Variants in MTMR3 observed in about 807,000 individuals in gnomAD.
MTMR3 encodes myotubularin related protein 3.
In MTMR3, 32 loss-of-function variants were observed where a neutral mutation model predicts 132.4. The observed-to-expected ratio is 0.24, with a 90% CI of 0.18 to 0.32. MTMR3 has a LOEUF of 0.32. Among genes scored for constraint, MTMR3 ranks in the 10% least tolerant of loss-of-function variants. The pLI is 1.00. For synonymous variants in MTMR3, 556 were observed against 550.3 expected (o/e 1.01, Z -0.14); for missense variants, 1,216 against 1,489.6 (o/e 0.82, Z 3.02).
intron 1 of MTMR3, among the ~76,000 whole-genome samples, chr22:29,940,995 C>G (rs1255028365): frequency 1.1e-4 from 16 of 150,052 alleles, no homozygotes; most frequent in Non-Finnish European, 4.4e-5. Context: ...CACTGCACCA[C>G]TGCAGCCACT....
chr22:30,022,097 C>T lies in MTMR3; in HGVS notation c.3294C>T (p.Phe1098=), dbSNP rs376661302. The T allele has an allele frequency of 1.1e-5, 17 of 1,614,106 alleles. No homozygotes were observed. Among genetic ancestry groups the T allele is most frequent in the Non-Finnish European group, 1.7e-6 (2 of 1,180,040 alleles). The part of the protein sequence containing the change: ...NCLSRCSTEI[F]SEASWEQVDK... ...TGTCTCGCTGCAGCACAGAGATTTT[C>T]TCTGAAGCCAGCTGGGAGCAGGTGG... The change falls in exon 18 of 20, where the codon TTC becomes TTT. Residue 1098 remains phenylalanine, a synonymous_variant. Transcript: ENST00000401950.
At position 30,016,640 on chromosome 22, in the gene MTMR3, T is replaced by C. The variant is rs757672128; in HGVS notation, c.1616T>C (p.Leu539Pro). 1 of 1,614,200 alleles carries C rather than the reference T, an allele frequency of 6.2e-7. No individual in the cohort carries two copies. The highest frequency in any genetic ancestry group is 8.5e-7 in the Non-Finnish European group (1 of 1,180,024). ...TQERTCSVWSLLRAGNKAFKN... is the reference protein window; with the variant it reads ...TQERTCSVWSPLRAGNKAFKN... ...GAACGGACATGTTCCGTGTGGTCAC[T>C]TCTTCGGGCAGGCAACAAGGCTTTC... Residue 539 changes from leucine to proline, a missense_variant, in exon 15 of 20, where the codon CTT becomes CCT. Coordinates refer to ENST00000401950, the MANE Select transcript of MTMR3 (RefSeq NM_021090.4).
At chr22:30,004,032 T>G (rs1002242859) in intron 9 of MTMR3, 11 of 152,192 alleles carry the variant, frequency 7.2e-5, no homozygotes, top group Non-Finnish European at 1.5e-4. Flanking sequence ...GTAACCAGCT[T>G]GTTCATTTAG....
At chr22:29,931,713 G>A (rs1348073015) in intron 1 of MTMR3, among the ~76,000 whole-genome samples, 1 of 151,568 alleles carries the variant, frequency 6.6e-6, no homozygotes, top group Non-Finnish European at 1.5e-5. Context: ...ACACCTGGCT[G>A]CCAAAGCTAT....
chr22:29,890,888 T>C (rs1488659201), intron 1 of MTMR3, among the ~76,000 whole-genome samples: 1 of 152,146 alleles, frequency 6.6e-6, no homozygotes, highest in Non-Finnish European at 1.5e-5. Context: ...GGTACATGGT[T>C]CTGTGGTCCC....
In MTMR3 at chr22:29,976,120, GTT is replaced by G. The variant is rs34984702; in HGVS notation, c.4-2307_4-2306del. ...AAGTTGACATTTTATTATAGTGTGTGTTTTTTTTTTTTTTTTAAATCACACTT... is the reference window on the plus strand; with the variant it reads ...AAGTTGACATTTTATTATAGTGTGTGTTTTTTTTTTTTTTAAATCACACTT... On this transcript the variant is annotated intron_variant, in intron 3 of 19. Transcript: ENST00000401950. 1.8e-3 allele frequency among the ~76,000 whole-genome samples: 261 copies of G among 141,910 alleles called. 1 individual carries two copies. The highest frequency in any genetic ancestry group is 6.0e-3 in the East Asian group (30 of 4,980). The allele number at this position is 141,910 out of a possible 152,430, so 93.1% of individuals were successfully genotyped here.
At chr22:29,999,142 C>T in intron 8 of MTMR3, 1 of 182,758 alleles carries the variant, frequency 5.5e-6, no homozygotes, top group South Asian at 1.6e-4. Context: ...ATTGTATTTG[C>T]CTGTAGGCAG....
chr22:30,007,989 T>C lies in MTMR3; in HGVS notation c.966T>C (p.Ala322=). 1 of 1,613,398 alleles carries C rather than the reference T, an allele frequency of 6.2e-7. No homozygotes were observed. The highest frequency in any genetic ancestry group is 8.5e-7 in the Non-Finnish European group (1 of 1,180,020). ...TCTTGGATGCACGCTCCTATGCAGCTGCTGTGGCAAACCGAGCCAAAGGAG... is the reference window on the plus strand; with the variant it reads ...TCTTGGATGCACGCTCCTATGCAGCCGCTGTGGCAAACCGAGCCAAAGGAG... ...LLILDARSYA[A]AVANRAKGGG... Residue 322 remains alanine (A), a synonymous_variant, in exon 11 of 20, where the codon GCT becomes GCC. Transcript: ENST00000401950.
intron 2 of MTMR3, among the ~76,000 whole-genome samples, chr22:29,959,842 T>A (rs1467058696): frequency 6.6e-6 from 1 of 151,300 alleles, no homozygotes; most frequent in Non-Finnish European, 1.5e-5. Context: ...CACTGCAGCC[T>A]CGATCTCCTG....
At chr22:29,916,302 C>T (rs1178114461) in intron 1 of MTMR3, among the ~76,000 whole-genome samples, 1 of 152,062 alleles carries the variant, frequency 6.6e-6, no homozygotes, top group East Asian at 1.9e-4. Context: ...TGCTTGTTAC[C>T]CAGTGGTTGT....
intron 1 of MTMR3, among the ~76,000 whole-genome samples, chr22:29,883,978 G>A (rs1451426315): frequency 2.0e-5 from 3 of 152,214 alleles, no homozygotes; most frequent in African/African-American, 7.2e-5. Flanking sequence ...AATGATTACA[G>A]TGTTATTTCT....
intron 1 of MTMR3, among the ~76,000 whole-genome samples, chr22:29,945,712 G>GAAAAAAAAAAAAAAA (rs1238843477): frequency 1.3e-5 from 1 of 78,110 alleles, no homozygotes; most frequent in African/African-American, 6.4e-5. Flanking sequence ...TCTTTAAAAT[G>GAAAAAAAAAAAAAAA]AAAAAGAAAA....
intron 3 of MTMR3, among the ~76,000 whole-genome samples, chr22:29,972,727 T>G (rs73398650): frequency 6.6e-6 from 1 of 152,084 alleles, no homozygotes; most frequent in South Asian, 2.1e-4. Context: ...CCTGCCACCA[T>G]GCTTAGCTAA....
chr22:29,888,485 G>A (rs973709865), intron 1 of MTMR3, among the ~76,000 whole-genome samples: 4 of 152,222 alleles, frequency 2.6e-5, no homozygotes, highest in Non-Finnish European at 4.4e-5. Flanking sequence ...AAAGAAAATT[G>A]TGAAGGTGGG....
intron 11 of MTMR3, 160 bp downstream of exon 11, chr22:30,008,192 A>T: frequency 1.1e-6 from 1 of 902,142 alleles, no homozygotes. Context: ...TTAACACTGT[A>T]TGTTCTTTTC....
At chr22:29,955,397 T>C (rs2066168128) in intron 1 of MTMR3, among the ~76,000 whole-genome samples, 1 of 152,232 alleles carries the variant, frequency 6.6e-6, no homozygotes, top group Admixed American at 6.5e-5. Context: ...GGTAGAATTA[T>C]ACTCTTGCAG....
chr22:29,941,712 T>C (rs948640568), intron 1 of MTMR3, among the ~76,000 whole-genome samples: 3 of 152,248 alleles, frequency 2.0e-5, no homozygotes, highest in African/African-American at 7.2e-5. Flanking sequence ...TGGTGTCTTT[T>C]GATAAGTAGA....
chr22:29,932,706 C>T (rs927605189), intron 1 of MTMR3, among the ~76,000 whole-genome samples: 2 of 152,192 alleles, frequency 1.3e-5, no homozygotes, highest in African/African-American at 4.8e-5. Flanking sequence ...CATGTACCTA[C>T]GACCTAATTT....
rs2067998178 is a variant in MTMR3 at position 30,030,650 on chromosome 22, C to CGGGGG, written c.*4849_*4850insGGGGG. ...AGCGAGGAGGGGGCGGGGGGGGGGT[C>CGGGGG]ACTATTTATCTTCCAGAGGCAGGGT... On this transcript the variant is annotated 3_prime_UTR_variant, in exon 20 of 20. Transcript: ENST00000401950. 1 of 115,600 alleles carries CGGGGG rather than the reference C, an allele frequency of 8.7e-6. No homozygotes were observed. Among genetic ancestry groups the CGGGGG allele is most frequent in the Non-Finnish European group, 1.8e-5 (1 of 54,530 alleles). The allele number at this position is 115,600 out of a possible 1,614,324, so 7.2% of individuals were successfully genotyped here.
Sources: allele counts gnomAD v4.1 joint callset (sites outside exome capture counted in the v4.1 genomes callset), GRCh38; gene constraint gnomAD v4.1.1; transcripts MANE v1.5; gene names NCBI Gene and HGNC (gene_info 2026-07-23, HGNC 2026-07-21).